Variants in ACMSD observed in about 807,000 individuals in gnomAD.
ACMSD encodes 2-amino-3-carboxymuconate-6-semialdehyde decarboxylase.
In ACMSD, 37 loss-of-function variants were observed where a neutral mutation model predicts 45.9. That is an observed-to-expected ratio of 0.81 (90% CI 0.62 to 1.06). ACMSD has a LOEUF of 1.06. Among genes scored for constraint, ACMSD ranks in the 50% least tolerant of loss-of-function variants. The pLI is 0.00. For synonymous variants in ACMSD, 138 were observed against 148.8 expected, an observed-to-expected ratio of 0.93 and a Z score of 0.53; for missense variants, 434 against 420.9, an observed-to-expected ratio of 1.03 and a Z score of -0.27.
intron 8 of ACMSD, among the ~76,000 whole-genome samples, chr2:134,888,811 A>G (rs890540029): frequency 2.0e-5 from 3 of 152,138 alleles, no homozygotes; most frequent in Non-Finnish European, 4.4e-5. Flanking sequence ...ACGGTGAAAA[A>G]AAAAGACAAG....
At chr2:134,871,461 T>C (rs1688431668) in intron 7 of ACMSD, among the ~76,000 whole-genome samples, 1 of 152,072 alleles carries the variant, frequency 6.6e-6, no homozygotes, top group East Asian at 1.9e-4. Context: ...AGTCACATGA[T>C]GGTTTAGGAA....
intron 8 of ACMSD, among the ~76,000 whole-genome samples, chr2:134,888,122 A>G (rs1689563720): frequency 6.6e-6 from 1 of 152,244 alleles, no homozygotes; most frequent in Non-Finnish European, 1.5e-5. Context: ...TAAAGCATAT[A>G]TATGACAAAG....
At chr2:134,865,565 G>A (rs1011594164) in intron 5 of ACMSD, among the ~76,000 whole-genome samples, 1 of 152,160 alleles carries the variant, frequency 6.6e-6, no homozygotes, top group African/African-American at 2.4e-5. Flanking sequence ...CTGTCCCCAG[G>A]TGACTTATGA....
intron 2 of ACMSD, among the ~76,000 whole-genome samples, chr2:134,845,845 GCATGGGTCT>G (rs1687030296): frequency 6.6e-6 from 1 of 152,178 alleles, no homozygotes; most frequent in Non-Finnish European, 1.5e-5. Context: ...TCTGCCCAGG[GCATGGGTCT>G]GACTTCATTT....
At chr2:134,863,971 T>A (rs1163289036) in intron 5 of ACMSD, among the ~76,000 whole-genome samples, 10 of 151,778 alleles carry the variant, frequency 6.6e-5, no homozygotes, top group Non-Finnish European at 1.0e-4. Context: ...GACATACAAA[T>A]ATATATATAT....
At chr2:134,859,198 T>G in intron 2 of ACMSD, 63 bp from the exon 3 acceptor site, 7 of 1,318,740 alleles carry the variant, frequency 5.3e-6, no homozygotes, top group African/African-American at 1.5e-5. Flanking sequence ...CTAAAGCACA[T>G]GAGGAAAGAT....
intron 5 of ACMSD, among the ~76,000 whole-genome samples, chr2:134,866,735 G>C (rs566596938): frequency 6.6e-6 from 1 of 152,304 alleles, no homozygotes; most frequent in African/African-American, 2.4e-5. Flanking sequence ...TTTGAATCTT[G>C]ACGAGCACTA....
At chr2:134,892,453 G>C (rs1689846793) in intron 8 of ACMSD, among the ~76,000 whole-genome samples, 1 of 142,070 alleles carries the variant, frequency 7.0e-6, no homozygotes, top group African/African-American at 2.7e-5. Flanking sequence ...GGTTTCTATT[G>C]CTGTGGAAAA....
At chr2:134,848,677 C>T (rs1002962711) in intron 2 of ACMSD, among the ~76,000 whole-genome samples, 5 of 151,900 alleles carry the variant, frequency 3.3e-5, no homozygotes, top group Admixed American at 6.6e-5. Context: ...GGATATTAGC[C>T]CTTTGTCAGA....
At chr2:134,861,935 C>G in intron 3 of ACMSD, 34 bp from the exon 4 acceptor site, 2 of 1,613,594 alleles carry the variant, frequency 1.2e-6, no homozygotes, top group Non-Finnish European at 1.7e-6. Context: ...CTATTCTTCT[C>G]ACCAGCTTTG....
chr2:134,838,692 G>A lies in ACMSD; in HGVS notation c.10G>A (p.Asp4Asn). Residue 4 changes from aspartate to asparagine, a missense_variant, in exon 1 of 10, where the codon GAC becomes AAC. Transcript: ENST00000356140. Reference sequence around the variant, plus strand: ...CTCTGATCCTGTGGAGATGAAAATTGACATCCATAGTCATATTCTACCAAA... The same window carrying A: ...CTCTGATCCTGTGGAGATGAAAATTAACATCCATAGTCATATTCTACCAAA... MKIDIHSHILPKEW... is the reference protein window; with the variant it reads MKINIHSHILPKEW... 1 of 1,606,684 alleles carries A rather than the reference G, an allele frequency of 6.2e-7. No homozygotes were observed. The highest frequency in any genetic ancestry group is 8.5e-7 in the Non-Finnish European group (1 of 1,176,534).
In ACMSD at chr2:134,877,844, A is replaced by G. The variant is rs547652582; in HGVS notation, c.849+5203A>G. Among the ~76,000 whole-genome samples the G allele has an allele frequency of 9.8e-5, 15 of 152,320 alleles. No individual in the cohort carries two copies. The East Asian group carries it at 1.3e-3, about 14-fold the overall frequency. ...AGAAGCACGTCATTTAATCTAGCTCACATTCAAGGGGAGTAGAATTAGATC... is the reference window on the plus strand; with the variant it reads ...AGAAGCACGTCATTTAATCTAGCTCGCATTCAAGGGGAGTAGAATTAGATC... On this transcript the variant is annotated intron_variant, in intron 8 of 9. Transcript: ENST00000356140.
intron 8 of ACMSD, among the ~76,000 whole-genome samples, chr2:134,897,147 T>A (rs1013972066): frequency 1.3e-5 from 2 of 151,212 alleles, no homozygotes; most frequent in African/African-American, 4.9e-5. Context: ...GTGAATTATA[T>A]CTCAAAAAAA....
At chr2:134,879,226 T>C (rs984179003) in intron 8 of ACMSD, among the ~76,000 whole-genome samples, 5 of 152,178 alleles carry the variant, frequency 3.3e-5, no homozygotes, top group Non-Finnish European at 1.5e-5. Context: ...TTGACAGCAT[T>C]GCTAAATTTT....
chr2:134,899,718 T>A (rs902282164), intron 9 of ACMSD, among the ~76,000 whole-genome samples: 1 of 152,154 alleles, frequency 6.6e-6, no homozygotes, highest in Admixed American at 6.5e-5. Context: ...AGGGTACTCA[T>A]TGTAACGCTG....
intron 5 of ACMSD, among the ~76,000 whole-genome samples, chr2:134,865,687 T>C (rs568823968): frequency 1.3e-5 from 2 of 152,310 alleles, no homozygotes; most frequent in African/African-American, 4.8e-5. Context: ...CAGGTTGGCT[T>C]TGTCATCTCA....
intron 8 of ACMSD, among the ~76,000 whole-genome samples, chr2:134,888,533 C>T (rs1689590208): frequency 6.6e-6 from 1 of 152,124 alleles, no homozygotes; most frequent in African/African-American, 2.4e-5. Context: ...AAGTTCTTGG[C>T]AGCTTTATTC....
At chr2:134,848,231 A>G (rs1687173551) in intron 2 of ACMSD, among the ~76,000 whole-genome samples, 1 of 152,250 alleles carries the variant, frequency 6.6e-6, no homozygotes, top group African/African-American at 2.4e-5. Flanking sequence ...ATAGTGCTGC[A>G]GTAAACATAC....
intron 8 of ACMSD, chr2:134,873,770 G>A (rs1688589228): frequency 6.6e-6 from 1 of 152,242 alleles, no homozygotes; most frequent in Non-Finnish European, 1.5e-5. Context: ...AAACATGGAT[G>A]GTTAGCAATT....
Sources: allele counts gnomAD v4.1 joint callset (sites outside exome capture counted in the v4.1 genomes callset), GRCh38; gene constraint gnomAD v4.1.1; transcripts MANE v1.5; gene names NCBI Gene and HGNC (gene_info 2026-07-23, HGNC 2026-07-21).